Variants in NRG1 observed in about 807,000 individuals in gnomAD.
NRG1 encodes neuregulin 1.
Under a neutral mutation model 63.8 loss-of-function variants are expected in NRG1, and 18 were observed. The ratio of observed to expected loss-of-function variants is 0.28; its 90% CI spans 0.19 to 0.42. The LOEUF (loss-of-function observed/expected upper bound fraction) is 0.42. NRG1 is among the 10% of genes least tolerant of loss of function. NRG1 has a pLI of 1.00. For synonymous variants in NRG1, 302 were observed against 301.3 expected, an observed-to-expected ratio of 1.00 and a Z score of -0.02; for missense variants, 762 against 814.7, an observed-to-expected ratio of 0.94 and a Z score of 0.79.
intron 1 of NRG1, among the ~76,000 whole-genome samples, chr8:31,792,333 C>T (rs1205853709): frequency 6.6e-6 from 1 of 152,028 alleles, no homozygotes; most frequent in African/African-American, 2.4e-5. Context: ...TTTTCTAGTC[C>T]AGGCTCTTTG....
intron 1 of NRG1, among the ~76,000 whole-genome samples, chr8:32,191,521 T>C (rs1044742887): frequency 3.9e-5 from 6 of 152,222 alleles, no homozygotes; most frequent in Non-Finnish European, 8.8e-5. Flanking sequence ...TGAAACATCA[T>C]CATAGGCATA....
chr8:31,856,476 G>A (rs1204589075), intron 1 of NRG1, among the ~76,000 whole-genome samples: 2 of 152,220 alleles, frequency 1.3e-5, no homozygotes, highest in South Asian at 2.1e-4. Context: ...GCTCCTTTAA[G>A]CACTTCTCTG....
At chr8:32,153,351 T>C (rs1207942158) in intron 1 of NRG1, among the ~76,000 whole-genome samples, 2 of 152,090 alleles carry the variant, frequency 1.3e-5, no homozygotes, top group Non-Finnish European at 2.9e-5. Flanking sequence ...GACTTTTTAA[T>C]ACAGAGAATG....
intron 1 of NRG1, among the ~76,000 whole-genome samples, chr8:32,348,547 C>A (rs550732057): frequency 6.6e-6 from 1 of 152,234 alleles, no homozygotes; most frequent in African/African-American, 2.4e-5. Flanking sequence ...TGTCTAAAAT[C>A]TCAATGAACA....
In NRG1 at chr8:32,559,778, C is replaced by T. The variant is rs1835989355; in HGVS notation, c.100+10952C>T. Reference sequence around the variant, plus strand: ...TTGAGGGGCTGAGGTGGGAGCATCGCTTGAGCTCGAGTTCAAGACCAGCCT... The same window carrying T: ...TTGAGGGGCTGAGGTGGGAGCATCGTTTGAGCTCGAGTTCAAGACCAGCCT... On this transcript the variant is annotated intron_variant, in intron 1 of 11. Transcript: ENST00000356819. Among the ~76,000 whole-genome samples, 3 of 150,156 alleles carry T rather than the reference C, an allele frequency of 2.0e-5. No individual in the cohort carries two copies. In the South Asian group the frequency reaches 6.3e-4, roughly 31 times the overall value.
Position 31,873,059 on chromosome 8 carries a change from C to T in NRG1, c.37+233628C>T, listed in dbSNP as rs370781721. 3.3e-5 allele frequency among the ~76,000 whole-genome samples: 5 copies of T among 152,196 alleles called. No homozygotes were observed. The South Asian group carries it at 6.2e-4, about 19-fold the overall frequency. On this transcript the variant is annotated intron_variant, in intron 1 of 10. Transcript: ENST00000519301. Reference sequence around the variant, plus strand: ...AAGGAGAAAACTCATGTTTCACATACTTCTTATTAATCCTAAGGCCTAGCA... The same window carrying T: ...AAGGAGAAAACTCATGTTTCACATATTTCTTATTAATCCTAAGGCCTAGCA...
chr8:31,651,204 C>A (rs150370640), intron 1 of NRG1, among the ~76,000 whole-genome samples: 28 of 152,184 alleles, frequency 1.8e-4, no homozygotes, highest in African/African-American at 6.5e-4. Context: ...ATCTCCATGG[C>A]CTTTTTGTGT....
At chr8:31,715,977 AAT>A (rs1418755422) in intron 1 of NRG1, among the ~76,000 whole-genome samples, 13 of 152,320 alleles carry the variant, frequency 8.5e-5, no homozygotes, top group African/African-American at 3.1e-4. Flanking sequence ...TTTTTAAGAA[AAT>A]ATGTGTCATT....
chr8:32,344,366 C>CTTTCTTTCTT (rs1804506423), intron 1 of NRG1, among the ~76,000 whole-genome samples: 2 of 53,434 alleles, frequency 3.7e-5, no homozygotes, highest in Admixed American at 1.9e-4. Context: ...TTCTTTCTTT[C>CTTTCTTTCTT]TTTCTTTCTT....
intron 1 of NRG1, among the ~76,000 whole-genome samples, chr8:32,012,746 A>G (rs1563679001): frequency 6.6e-6 from 1 of 152,140 alleles, no homozygotes; most frequent in African/African-American, 2.4e-5. Flanking sequence ...ATGAGATAAT[A>G]TATGTCAAGT....
intron 1 of NRG1, among the ~76,000 whole-genome samples, chr8:32,481,753 GT>G (rs1825315428): frequency 2.6e-5 from 4 of 152,242 alleles, no homozygotes; most frequent in Admixed American, 1.3e-4. Context: ...TCATAACAGT[GT>G]TTTGTGGACT....
chr8:31,762,496 C>A (rs1203040318), intron 1 of NRG1, among the ~76,000 whole-genome samples: 1 of 152,160 alleles, frequency 6.6e-6, no homozygotes, highest in Non-Finnish European at 1.5e-5. Flanking sequence ...AATAGTGCTG[C>A]AATAAACATA....
At chr8:31,934,208 C>T (rs2129620246) in intron 1 of NRG1, among the ~76,000 whole-genome samples, 1 of 152,046 alleles carries the variant, frequency 6.6e-6, no homozygotes, top group South Asian at 2.1e-4. Flanking sequence ...GAATAAGTTG[C>T]AAAGTTGAAG....
At chr8:31,656,823 G>C (rs765598595) in intron 1 of NRG1, among the ~76,000 whole-genome samples, 23 of 152,088 alleles carry the variant, frequency 1.5e-4, no homozygotes, top group Admixed American at 3.9e-4. Flanking sequence ...TTCATAGCTG[G>C]TACCCAGGTC....
intron 1 of NRG1, chr8:32,062,996 A>G (rs1428064431): frequency 6.6e-6 from 1 of 152,142 alleles, no homozygotes; most frequent in African/African-American, 2.4e-5. Flanking sequence ...TGGAAAAAGG[A>G]TGTTGCACTG....
In NRG1 at chr8:32,249,288, T is replaced by G. The variant is rs529096972; in HGVS notation, c.38-346540T>G. 5.9e-5 allele frequency among the ~76,000 whole-genome samples: 9 copies of G among 152,216 alleles called. No homozygotes were observed. The South Asian group carries it at 1.2e-3, about 21-fold the overall frequency. ...TGGCCAACAGGGAAATATTACATAC[T>G]CTAACAATGAGTGGTGACTTCCTTT... is the stretch of plus-strand genomic sequence containing the variant. On this transcript the variant is annotated intron_variant, in intron 1 of 10. Coordinates refer to the NRG1 transcript ENST00000519301.
At chr8:31,964,393 G>C (rs1444779733) in intron 1 of NRG1, among the ~76,000 whole-genome samples, 1 of 152,188 alleles carries the variant, frequency 6.6e-6, no homozygotes, top group Non-Finnish European at 1.5e-5. Context: ...CAAAATGCTG[G>C]GTGCACTGGC....
intron 1 of NRG1, among the ~76,000 whole-genome samples, chr8:32,565,076 A>C (rs1395912635): frequency 6.6e-6 from 1 of 152,048 alleles, no homozygotes; most frequent in Non-Finnish European, 1.5e-5. Context: ...TCTCAAAAAA[A>C]AATTGTTCTC....
chr8:32,064,344 C>A (rs1824392183), intron 1 of NRG1, among the ~76,000 whole-genome samples: 1 of 152,100 alleles, frequency 6.6e-6, no homozygotes, highest in Admixed American at 6.6e-5. Flanking sequence ...GGGCAGACTA[C>A]TTCCAGTGTC....
Sources: gnomAD v4.1 joint callset for allele counts (sites outside exome capture counted in the v4.1 genomes callset) on GRCh38, gnomAD v4.1.1 for gene constraint, MANE v1.5 for transcripts, NCBI Gene and HGNC (gene_info 2026-07-23, HGNC 2026-07-21) for gene names.